Variants in LRRC4C observed in about 807,000 individuals in gnomAD.
The protein encoded by LRRC4C is leucine-rich repeat-containing protein 4C.
In LRRC4C, 5 loss-of-function variants were observed where a neutral mutation model predicts 33.6. That is an observed-to-expected ratio of 0.15 (90% CI 0.08 to 0.31). The LOEUF is 0.31. Ranked by LOEUF, LRRC4C falls within the 10% of genes least tolerant of loss-of-function variation. The pLI is 1.00. For synonymous variants in LRRC4C, 329 were observed against 302.0 expected, an observed-to-expected ratio of 1.09 and a Z score of -0.93; for missense variants, 560 against 796.7, an observed-to-expected ratio of 0.70 and a Z score of 3.58.
At chr11:41,340,781 G>A (rs980283652) in intron 1 of LRRC4C, among the ~76,000 whole-genome samples, 1 of 152,194 alleles carries the variant, frequency 6.6e-6, no homozygotes, top group Non-Finnish European at 1.5e-5. Flanking sequence ...AAATTTAAGT[G>A]TTATAAGGAG....
At chr11:41,100,273 A>G (rs964022804) in intron 1 of LRRC4C, among the ~76,000 whole-genome samples, 13 of 152,142 alleles carry the variant, frequency 8.5e-5, no homozygotes, top group African/African-American at 3.1e-4. Flanking sequence ...AATCAGTATC[A>G]TTAAAATAGC....
At chr11:40,662,907 T>C (rs935305365) in intron 2 of LRRC4C, among the ~76,000 whole-genome samples, 1 of 152,172 alleles carries the variant, frequency 6.6e-6, no homozygotes, top group African/African-American at 2.4e-5. Flanking sequence ...CTATAAATAT[T>C]GGATATTTGA....
intron 3 of LRRC4C, among the ~76,000 whole-genome samples, chr11:40,613,746 A>G (rs534943886): frequency 6.6e-6 from 1 of 151,970 alleles, no homozygotes; most frequent in Admixed American, 6.6e-5. Flanking sequence ...GGTATGTCTC[A>G]AAATTACTTT....
intron 3 of LRRC4C, among the ~76,000 whole-genome samples, chr11:40,456,313 G>A (rs960084268): frequency 6.6e-6 from 1 of 152,070 alleles, no homozygotes; most frequent in African/African-American, 2.4e-5. Flanking sequence ...ATGCCACAAT[G>A]CTATCTAAAA....
intron 2 of LRRC4C, among the ~76,000 whole-genome samples, chr11:40,759,431 A>G (rs1949095650): frequency 1.3e-5 from 2 of 151,656 alleles, no homozygotes; most frequent in Non-Finnish European, 2.9e-5. Flanking sequence ...ATCAAATACC[A>G]TCTTAAGATT....
intron 2 of LRRC4C, among the ~76,000 whole-genome samples, chr11:40,824,264 A>G (rs1254051844): frequency 6.6e-6 from 1 of 151,966 alleles, no homozygotes; most frequent in Non-Finnish European, 1.5e-5. Flanking sequence ...AGAATTATAC[A>G]TTTCTAATTT....
intron 3 of LRRC4C, among the ~76,000 whole-genome samples, chr11:40,430,533 T>C (rs1010627120): frequency 6.6e-6 from 1 of 152,128 alleles, no homozygotes; most frequent in Admixed American, 6.5e-5. Context: ...TTTGAACTTC[T>C]CTTACATAGA....
chr11:40,174,975 T>G (rs1464407068), intron 5 of LRRC4C, among the ~76,000 whole-genome samples: 1 of 152,226 alleles, frequency 6.6e-6, no homozygotes, highest in Non-Finnish European at 1.5e-5. Context: ...CCTTCCATTA[T>G]AACTTGCAGC....
intron 1 of LRRC4C, among the ~76,000 whole-genome samples, chr11:41,056,436 C>A (rs1033057999): frequency 1.3e-5 from 2 of 152,154 alleles, no homozygotes; most frequent in Non-Finnish European, 2.9e-5. Flanking sequence ...AACTAAAGAG[C>A]TCCTGCACAT....
Position 41,289,574 on chromosome 11 carries a change from G to A in LRRC4C, c.-496+169857C>T, listed in dbSNP as rs567717673. Among the ~76,000 whole-genome samples the A allele has an allele frequency of 3.5e-3, 529 of 152,280 alleles. 1 individual carries two copies. The highest frequency in any genetic ancestry group is 5.5e-3 in the Non-Finnish European group (375 of 68,022). ...TTCTCCCCTTCTACATGTGAACAGA[G>A]AAGAGGCCACTTGAGGGCACAGTAC... On this transcript the variant is annotated intron_variant, in intron 1 of 6. Transcript: ENST00000528697.
Position 40,538,988 on chromosome 11 carries a change from TG to T in LRRC4C, c.-270+109153del, listed in dbSNP as rs1485622864. Among the ~76,000 whole-genome samples the T allele has an allele frequency of 2.6e-5, 4 of 152,332 alleles. No individual in the cohort carries two copies. In the South Asian group the frequency reaches 8.3e-4, roughly 32 times the overall value. ...TCCTTTGCCCACTTTTTGATGGGGT[TG>T]TTTTTTTCTTGTAAATTTGTTTGAG... On this transcript the variant is annotated intron_variant, in intron 3 of 6. Coordinates refer to ENST00000528697, the MANE Select transcript of LRRC4C (RefSeq NM_001258419.2).
intron 1 of LRRC4C, among the ~76,000 whole-genome samples, chr11:40,971,607 A>G (rs1458303093): frequency 6.6e-6 from 1 of 152,182 alleles, no homozygotes; most frequent in Non-Finnish European, 1.5e-5. Flanking sequence ...GCTCTGACAC[A>G]GAGTTCCCAC....
At chr11:41,393,186 C>G (rs186534001) in intron 1 of LRRC4C, among the ~76,000 whole-genome samples, 8 of 151,782 alleles carry the variant, frequency 5.3e-5, no homozygotes, top group Admixed American at 2.0e-4. Context: ...TTTCTATTAG[C>G]CAAATTTCTT....
At chr11:41,001,623 A>G (rs1439003378) in intron 1 of LRRC4C, among the ~76,000 whole-genome samples, 1 of 148,030 alleles carries the variant, frequency 6.8e-6, no homozygotes, top group African/African-American at 2.5e-5. Flanking sequence ...AAAAAAAAAA[A>G]TCCACCCACA....
At chr11:40,441,347 T>C (rs1001065884) in intron 3 of LRRC4C, among the ~76,000 whole-genome samples, 3 of 152,310 alleles carry the variant, frequency 2.0e-5, no homozygotes, top group African/African-American at 7.2e-5. Context: ...CTGCTGGAGA[T>C]TAAAATCAAC....
At chr11:40,150,692 G>A (rs1858125988) in intron 5 of LRRC4C, among the ~76,000 whole-genome samples, 2 of 152,086 alleles carry the variant, frequency 1.3e-5, no homozygotes, top group South Asian at 4.1e-4. Flanking sequence ...AAATCCTCTT[G>A]CCTCAGCCTC....
chr11:40,853,323 G>C (rs1209510268), intron 2 of LRRC4C, among the ~76,000 whole-genome samples: 1 of 150,540 alleles, frequency 6.6e-6, no homozygotes, highest in African/African-American at 2.4e-5. Context: ...ATATATGTGT[G>C]TCTATATGCT....
intron 3 of LRRC4C, among the ~76,000 whole-genome samples, chr11:40,631,158 C>T (rs965313620): frequency 4.6e-5 from 7 of 152,158 alleles, no homozygotes; most frequent in African/African-American, 4.8e-5. Flanking sequence ...GGCTTTCACC[C>T]TCAGAAATGA....
At chr11:40,354,604 C>G (rs376247786) in intron 3 of LRRC4C, among the ~76,000 whole-genome samples, 1 of 152,280 alleles carries the variant, frequency 6.6e-6, no homozygotes, top group East Asian at 1.9e-4. Flanking sequence ...AGTCTCTCCT[C>G]ATGGCCACTG....
Sources: gnomAD v4.1 joint callset for allele counts (sites outside exome capture counted in the v4.1 genomes callset) on GRCh38, gnomAD v4.1.1 for gene constraint, MANE v1.5 for transcripts, NCBI Gene and HGNC (gene_info 2026-07-23, HGNC 2026-07-21) for gene names.